Variants in ZNF385D observed in about 807,000 individuals in gnomAD.
ZNF385D encodes the protein zinc finger protein 659.
A neutral mutation model predicts 35.8 loss-of-function variants in ZNF385D; 15 were observed. That is an observed-to-expected ratio of 0.42 (90% CI 0.28 to 0.64). The LOEUF (loss-of-function observed/expected upper bound fraction) is 0.64, where lower values mean the gene tolerates loss of function less well. Among genes scored for constraint, ZNF385D ranks in the 30% least tolerant of loss-of-function variants. The pLI is 0.23. For synonymous variants in ZNF385D, 212 were observed against 186.8 expected (o/e 1.13, Z -1.10); for missense variants, 474 against 494.6 (o/e 0.96, Z 0.39).
intron 3 of ZNF385D, among the ~76,000 whole-genome samples, chr3:21,900,201 G>C (rs186425509): frequency 1.3e-5 from 2 of 152,248 alleles, no homozygotes; most frequent in Admixed American, 1.3e-4. Context: ...GCAGAAAAGG[G>C]AAACATTGAA....
intron 3 of ZNF385D, among the ~76,000 whole-genome samples, chr3:21,554,249 C>T (rs62236078): frequency 0.15 from 23,126 of 152,172 alleles, 1,765 homozygotes; most frequent in East Asian, 0.16. Context: ...GTAGTGTTAG[C>T]AGGCATAAAA....
intron 2 of ZNF385D, among the ~76,000 whole-genome samples, chr3:22,207,122 G>C (rs187916283): frequency 1.3e-5 from 2 of 151,972 alleles, no homozygotes; most frequent in African/African-American, 2.4e-5. Flanking sequence ...GCTACTATAA[G>C]CAACAGTAAG....
At chr3:22,252,779 G>A (rs1161059432) in intron 2 of ZNF385D, among the ~76,000 whole-genome samples, 1 of 152,026 alleles carries the variant, frequency 6.6e-6, no homozygotes, top group South Asian at 2.1e-4. Flanking sequence ...AAAACATTAG[G>A]CATGTTTGAA....
rs1183094402 is a variant in ZNF385D at position 21,420,247 on chromosome 3, T to C, written c.*967A>G. Reference sequence around the variant, plus strand: ...GCAGAGATGCAACATTCTCCGTTTTTACTGGATATGTACTAAATGAAAGAT... The same window carrying C: ...GCAGAGATGCAACATTCTCCGTTTTCACTGGATATGTACTAAATGAAAGAT... On this transcript the variant is annotated 3_prime_UTR_variant, in exon 8 of 8. Transcript: ENST00000281523. The C allele has an allele frequency of 6.6e-6, 1 of 152,230 alleles. No individual in the cohort carries two copies. Among genetic ancestry groups the C allele is most frequent in the East Asian group, 1.9e-4 (1 of 5,196 alleles). 9.4% of individuals were successfully genotyped at this position (152,230 alleles called of 1,614,324 possible).
At chr3:21,892,362 C>T (rs557895400) in intron 3 of ZNF385D, among the ~76,000 whole-genome samples, 1 of 152,242 alleles carries the variant, frequency 6.6e-6, no homozygotes, top group East Asian at 1.9e-4. Context: ...CTCAGGTTTG[C>T]CCAAATAAAT....
chr3:22,135,878 G>A (rs1007373145), intron 3 of ZNF385D, among the ~76,000 whole-genome samples: 2 of 147,772 alleles, frequency 1.4e-5, no homozygotes, highest in African/African-American at 2.6e-5. Context: ...ATTAAATAAA[G>A]AAAGGTTAAT....
intron 2 of ZNF385D, among the ~76,000 whole-genome samples, chr3:22,172,742 TA>T (rs1471739671): frequency 6.6e-6 from 1 of 152,162 alleles, no homozygotes; most frequent in African/African-American, 2.4e-5. Context: ...GATTAATACC[TA>T]AAGTATAAAT....
chr3:21,593,474 T>C (rs191189181), intron 2 of ZNF385D, among the ~76,000 whole-genome samples: 3 of 152,262 alleles, frequency 2.0e-5, no homozygotes, highest in Non-Finnish European at 4.4e-5. Context: ...ACGATTAACA[T>C]ATTTTCTATA....
At chr3:22,018,520 T>C (rs1367053462) in intron 3 of ZNF385D, among the ~76,000 whole-genome samples, 1 of 152,044 alleles carries the variant, frequency 6.6e-6, no homozygotes, top group African/African-American at 2.4e-5. Flanking sequence ...ACAAATAACT[T>C]TTTGTTAGTT....
intron 2 of ZNF385D, among the ~76,000 whole-genome samples, chr3:22,178,246 G>A (rs945491170): frequency 2.0e-5 from 3 of 152,280 alleles, no homozygotes; most frequent in African/African-American, 7.2e-5. Context: ...TCCAGTACCT[G>A]TTGTTTCCTG....
At chr3:21,758,178 G>A (rs187939940) in intron 3 of ZNF385D, among the ~76,000 whole-genome samples, 195 of 152,258 alleles carry the variant, frequency 1.3e-3, no homozygotes, top group African/African-American at 4.5e-3. Flanking sequence ...TTATTAGATG[G>A]CATTTCCGTG....
chr3:22,127,315 TGC>T (rs1456126098), intron 3 of ZNF385D, among the ~76,000 whole-genome samples: 2 of 137,800 alleles, frequency 1.5e-5, no homozygotes, highest in African/African-American at 2.7e-5. Flanking sequence ...TTTCATTTCC[TGC>T]TTTTTTTTTT....
intron 3 of ZNF385D, among the ~76,000 whole-genome samples, chr3:22,124,916 A>G (rs2125673639): frequency 1.3e-5 from 2 of 152,036 alleles, no homozygotes; most frequent in Admixed American, 6.6e-5. Flanking sequence ...AAGCTTTTTA[A>G]TTTGATGTGA....
chr3:22,318,366 G>T (rs982088060), intron 2 of ZNF385D, among the ~76,000 whole-genome samples: 5 of 152,286 alleles, frequency 3.3e-5, no homozygotes, highest in Non-Finnish European at 5.9e-5. Context: ...AAACCATGAA[G>T]AGAGCAAACA....
chr3:21,656,430 A>G (rs1353826683), intron 2 of ZNF385D, among the ~76,000 whole-genome samples: 2 of 151,930 alleles, frequency 1.3e-5, no homozygotes, highest in Non-Finnish European at 2.9e-5. Context: ...TTGGTTGTAG[A>G]TGACATTCTC....
chr3:21,820,324 C>A (rs1253738902), intron 3 of ZNF385D, among the ~76,000 whole-genome samples: 1 of 151,182 alleles, frequency 6.6e-6, no homozygotes, highest in Non-Finnish European at 1.5e-5. Context: ...AAAGAAGAAC[C>A]AACATAAGAA....
intron 3 of ZNF385D, among the ~76,000 whole-genome samples, chr3:22,009,909 A>C (rs1250183462): frequency 6.6e-6 from 1 of 151,022 alleles, no homozygotes; most frequent in Non-Finnish European, 1.5e-5. Context: ...AAAATTTTTA[A>C]AATTACAAAA....
At chr3:21,781,378 C>A (rs2071482818) in intron 3 of ZNF385D, among the ~76,000 whole-genome samples, 1 of 151,862 alleles carries the variant, frequency 6.6e-6, no homozygotes, top group South Asian at 2.1e-4. Flanking sequence ...AAAATATGCC[C>A]CAAATTCCTA....
At chr3:21,834,256 A>C (rs1458249902) in intron 3 of ZNF385D, among the ~76,000 whole-genome samples, 2 of 152,128 alleles carry the variant, frequency 1.3e-5, no homozygotes, top group Non-Finnish European at 2.9e-5. Context: ...CACGAGACTC[A>C]GAGCTGACCT....
Sources: gnomAD v4.1 joint callset for allele counts (sites outside exome capture counted in the v4.1 genomes callset) on GRCh38, gnomAD v4.1.1 for gene constraint, MANE v1.5 for transcripts, NCBI Gene and HGNC (gene_info 2026-07-23, HGNC 2026-07-21) for gene names.